The following DLG2 variants were observed in gnomAD, a reference collection of about 807,000 sequenced individuals.
DLG2 encodes discs large MAGUK scaffold protein 2.
A neutral mutation model predicts 132.5 loss-of-function variants in DLG2; 45 were observed. The ratio of observed to expected loss-of-function variants is 0.34; its 90% confidence interval spans 0.27 to 0.44. DLG2 has a LOEUF of 0.44. Ranked by LOEUF, DLG2 falls within the 20% of genes least tolerant of loss-of-function variation. The pLI, the probability that DLG2 is intolerant of heterozygous loss-of-function variation, is 1.00. For synonymous variants in DLG2, 424 were observed against 419.6 expected (o/e 1.01, Z -0.13); for missense variants, 1,045 against 1,196.9 (o/e 0.87, Z 1.87).
intron 6 of DLG2, among the ~76,000 whole-genome samples, chr11:85,074,918 T>G (rs1209365626): frequency 6.6e-6 from 1 of 151,896 alleles, no homozygotes; most frequent in Non-Finnish European, 1.5e-5. Flanking sequence ...AGGCCCTCAC[T>G]GAAGTTACAT....
At chr11:85,376,882 T>C (rs2085448862) in intron 3 of DLG2, among the ~76,000 whole-genome samples, 1 of 152,156 alleles carries the variant, frequency 6.6e-6, no homozygotes, top group African/African-American at 2.4e-5. Context: ...AGGATTAAGC[T>C]GTACTGGATA....
At chr11:84,289,889 C>T (rs1416707789) in intron 7 of DLG2, among the ~76,000 whole-genome samples, 2 of 152,060 alleles carry the variant, frequency 1.3e-5, no homozygotes, top group Non-Finnish European at 2.9e-5. Flanking sequence ...TTGAAAGTAC[C>T]GTTTTCTGGA....
chr11:85,207,657 T>C (rs1314305993), intron 4 of DLG2, among the ~76,000 whole-genome samples: 2 of 152,100 alleles, frequency 1.3e-5, no homozygotes, highest in Admixed American at 6.6e-5. Context: ...AATATTTACA[T>C]TTTGAAAGAA....
At chr11:83,921,338 T>A (rs2077853210) in intron 15 of DLG2, among the ~76,000 whole-genome samples, 1 of 152,162 alleles carries the variant, frequency 6.6e-6, no homozygotes, top group African/African-American at 2.4e-5. Context: ...AAACTTCTGC[T>A]CAAATAAAAT....
At chr11:85,368,757 T>C (rs938898781) in intron 3 of DLG2, among the ~76,000 whole-genome samples, 5 of 152,174 alleles carry the variant, frequency 3.3e-5, no homozygotes, top group Non-Finnish European at 4.4e-5. Flanking sequence ...TTCCCAAAGG[T>C]AGACAGCTTC....
chr11:85,571,731 T>C (rs1318995045), intron 3 of DLG2, among the ~76,000 whole-genome samples: 5 of 152,202 alleles, frequency 3.3e-5, no homozygotes, highest in Non-Finnish European at 5.9e-5. Context: ...GAATTTTAGT[T>C]AGTCTTTTGC....
At chr11:83,794,565 CAA>C (rs1272500725) in intron 17 of DLG2, among the ~76,000 whole-genome samples, 2 of 149,996 alleles carry the variant, frequency 1.3e-5, no homozygotes, top group Non-Finnish European at 3.0e-5. Context: ...CATACATTCT[CAA>C]AGATTGGATG....
intron 8 of DLG2, among the ~76,000 whole-genome samples, chr11:84,173,288 T>C (rs1566809450): frequency 6.6e-6 from 1 of 152,228 alleles, no homozygotes. Flanking sequence ...TCCAGCCTGA[T>C]GCAGGCTGTT....
At chr11:84,021,712 A>T (rs1426313046) in intron 11 of DLG2, among the ~76,000 whole-genome samples, 2 of 152,010 alleles carry the variant, frequency 1.3e-5, no homozygotes, top group African/African-American at 4.8e-5. Context: ...TTTAAACCTG[A>T]GTATATTATT....
At chr11:85,366,621 A>G (rs1010099180) in intron 3 of DLG2, among the ~76,000 whole-genome samples, 6 of 152,166 alleles carry the variant, frequency 3.9e-5, no homozygotes, top group African/African-American at 1.4e-4. Context: ...TAATACTGAA[A>G]TTAACATTCT....
chr11:85,303,896 G>A (rs2079769937), intron 3 of DLG2, among the ~76,000 whole-genome samples: 2 of 152,154 alleles, frequency 1.3e-5, no homozygotes. Context: ...GAAATTAAAT[G>A]TCTCTCCTTG....
chr11:84,207,348 A>G (rs182667478), intron 8 of DLG2, among the ~76,000 whole-genome samples: 283 of 152,186 alleles, frequency 1.9e-3, no homozygotes, highest in Middle Eastern at 3.4e-3. Context: ...CAATCTTGAA[A>G]GAAAAAAAAA....
At chr11:84,461,680 T>C (rs2099080564) in intron 7 of DLG2, among the ~76,000 whole-genome samples, 1 of 150,974 alleles carries the variant, frequency 6.6e-6, no homozygotes, top group Non-Finnish European at 1.5e-5. Flanking sequence ...AGAAGTAATA[T>C]AAAGAGTGAA....
chr11:83,947,326 T>G (rs535388194), intron 14 of DLG2, among the ~76,000 whole-genome samples: 1 of 152,338 alleles, frequency 6.6e-6, no homozygotes, highest in Non-Finnish European at 1.5e-5. Flanking sequence ...GCCTGGTTTT[T>G]GACAGATTCT....
chr11:84,160,150 T>C (rs937678718), intron 9 of DLG2, among the ~76,000 whole-genome samples: 1 of 151,974 alleles, frequency 6.6e-6, no homozygotes, highest in African/African-American at 2.4e-5. Flanking sequence ...CAGTTGACAG[T>C]TGGTATCTAA....
chr11:83,868,209 T>G (rs1318943933), intron 16 of DLG2, among the ~76,000 whole-genome samples: 2 of 152,160 alleles, frequency 1.3e-5, no homozygotes, highest in Non-Finnish European at 2.9e-5. Context: ...CTGCAAACTT[T>G]TTGAGTCCTT....
At chr11:84,996,788 AT>A (rs1337994555) in intron 6 of DLG2, among the ~76,000 whole-genome samples, 1 of 152,190 alleles carries the variant, frequency 6.6e-6, no homozygotes, top group African/African-American at 2.4e-5. Flanking sequence ...GGATGAGCAC[AT>A]TTCCAAAAAA....
At chr11:85,041,796 T>C (rs2061891151) in intron 6 of DLG2, among the ~76,000 whole-genome samples, 1 of 151,934 alleles carries the variant, frequency 6.6e-6, no homozygotes, top group Non-Finnish European at 1.5e-5. Context: ...AAGAACTCTC[T>C]GTTTTTGACA....
At chr11:83,845,274 A>T (rs1445221515) in intron 16 of DLG2, among the ~76,000 whole-genome samples, 3 of 152,212 alleles carry the variant, frequency 2.0e-5, no homozygotes, top group African/African-American at 7.2e-5. Flanking sequence ...TTTTTAGTAG[A>T]ATGAGAAGAC....
Sources: allele counts gnomAD v4.1 joint callset (sites outside exome capture counted in the v4.1 genomes callset), GRCh38; gene constraint gnomAD v4.1.1; transcripts MANE v1.5; gene names NCBI Gene and HGNC (gene_info 2026-07-23, HGNC 2026-07-21).